GPHN: variants seen among roughly 807,000 people sequenced by gnomAD.
The protein encoded by GPHN is gephyrin.
Under a neutral mutation model 95.5 loss-of-function variants are expected in GPHN, and 17 were observed. The observed-to-expected ratio is 0.18, with a 90% CI of 0.12 to 0.27. The LOEUF is 0.27. GPHN is among the 10% of genes least tolerant of loss of function. The probability of loss-of-function intolerance (pLI) is 1.00; values close to 1 mark genes in which losing one functional copy is unlikely to be tolerated. For missense variants in GPHN, 660 were observed against 978.1 expected (o/e 0.67, Z 4.34); for synonymous variants, 320 against 322.5 (o/e 0.99, Z 0.08).
At chr14:66,760,814 G>C in intron 2 of GPHN, 1 of 529,264 alleles carries the variant, frequency 1.9e-6, no homozygotes, top group Non-Finnish European at 3.7e-6. Flanking sequence ...GCAATGAAGA[G>C]AGTTGAAGAG....
intron 21 of GPHN, among the ~76,000 whole-genome samples, chr14:67,171,602 G>A (rs2082602311): frequency 6.6e-6 from 1 of 152,072 alleles, no homozygotes; most frequent in Non-Finnish European, 1.5e-5. Flanking sequence ...AGACAGAAAA[G>A]GGGGAAAGCA....
intron 2 of GPHN, among the ~76,000 whole-genome samples, chr14:66,754,257 C>G (rs1201518550): frequency 6.6e-6 from 1 of 151,984 alleles, no homozygotes; most frequent in Non-Finnish European, 1.5e-5. Context: ...TATGGTGACT[C>G]TGTCTTCAGC....
intron 11 of GPHN, among the ~76,000 whole-genome samples, chr14:67,062,854 C>G (rs2075880280): frequency 6.6e-6 from 1 of 152,116 alleles, no homozygotes; most frequent in African/African-American, 2.4e-5. Flanking sequence ...CAAAAATTTT[C>G]TCCCATTCTG....
intron 4 of GPHN, among the ~76,000 whole-genome samples, chr14:66,843,375 T>C (rs1417744199): frequency 6.6e-6 from 1 of 152,186 alleles, no homozygotes; most frequent in Non-Finnish European, 1.5e-5. Context: ...CCTGTAACAC[T>C]GTAAGTAGGT....
intron 3 of GPHN, among the ~76,000 whole-genome samples, chr14:66,797,753 G>A (rs1157151689): frequency 2.0e-5 from 3 of 151,886 alleles, no homozygotes; most frequent in South Asian, 2.1e-4. Flanking sequence ...CACATATAAT[G>A]TCATATCATC....
chr14:67,087,797 A>G (rs2076969876), intron 11 of GPHN, among the ~76,000 whole-genome samples: 1 of 152,240 alleles, frequency 6.6e-6, no homozygotes, highest in Non-Finnish European at 1.5e-5. Context: ...ATGAAATTTT[A>G]TAAATTATAC....
the GPHN span, among the ~76,000 whole-genome samples, chr14:67,305,107 T>G: frequency 6.6e-6 from 1 of 152,190 alleles, no homozygotes; most frequent in Admixed American, 6.5e-5. Context: ...TCTCTGTGCA[T>G]TGTGCTGTTC....
the GPHN span, among the ~76,000 whole-genome samples, chr14:67,342,523 A>G: frequency 3.3e-5 from 5 of 149,702 alleles, no homozygotes; most frequent in Non-Finnish European, 7.4e-5. Context: ...AGCTTCTAGA[A>G]TGTGAACTCT....
the GPHN span, chr14:67,204,911 A>C: frequency 1.2e-6 from 2 of 1,611,288 alleles, no homozygotes. Context: ...GACATCACAG[A>C]TGTCACAGAT....
intron 1 of GPHN, among the ~76,000 whole-genome samples, chr14:66,593,316 C>A (rs1447175802): frequency 4.8e-4 from 71 of 146,576 alleles, no homozygotes; most frequent in Admixed American, 1.2e-3. Context: ...AAAAAAAAAA[C>A]AAACAACTGT....
At chr14:66,726,544 G>C (rs983497599) in intron 2 of GPHN, among the ~76,000 whole-genome samples, 4 of 152,092 alleles carry the variant, frequency 2.6e-5, no homozygotes, top group African/African-American at 9.7e-5. Context: ...ACTATTAATA[G>C]CTGGAAAATG....
chr14:67,030,245 CTTAAT>C (rs575240047), intron 10 of GPHN, among the ~76,000 whole-genome samples: 24 of 152,120 alleles, frequency 1.6e-4, no homozygotes, highest in African/African-American at 2.2e-4. Flanking sequence ...AATTTATCAT[CTTAAT>C]TTACTCTTCT....
the GPHN span, among the ~76,000 whole-genome samples, chr14:67,528,599 C>G: frequency 6.6e-6 from 1 of 152,202 alleles, no homozygotes; most frequent in Non-Finnish European, 1.5e-5. Context: ...CTGGATTTAC[C>G]TGATCCTCAT....
chr14:66,629,178 TAC>T (rs1279177516), intron 1 of GPHN, among the ~76,000 whole-genome samples: 17 of 136,198 alleles, frequency 1.2e-4, no homozygotes, highest in African/African-American at 3.8e-4. Flanking sequence ...AATATATATA[TAC>T]ATATATAAAT....
intron 2 of GPHN, among the ~76,000 whole-genome samples, chr14:66,775,748 A>G (rs1410457909): frequency 6.6e-6 from 1 of 152,230 alleles, no homozygotes; most frequent in Non-Finnish European, 1.5e-5. Flanking sequence ...ATGATCTTAT[A>G]TAAAGCTTAG....
the GPHN span, chr14:67,224,010 C>A: frequency 1.0e-6 from 1 of 980,788 alleles, no homozygotes; most frequent in Non-Finnish European, 1.2e-6. Context: ...AGTAGTAAAA[C>A]AAATTCCTGG....
At chr14:66,888,253 T>A (rs1391563599) in intron 5 of GPHN, among the ~76,000 whole-genome samples, 1 of 152,012 alleles carries the variant, frequency 6.6e-6, no homozygotes, top group Admixed American at 6.6e-5. Context: ...CAACTATACC[T>A]AGACATACCA....
At chr14:66,544,702 G>A (rs530300816) in intron 1 of GPHN, among the ~76,000 whole-genome samples, 62 of 152,118 alleles carry the variant, frequency 4.1e-4, no homozygotes, top group Admixed American at 4.1e-3. Context: ...AGTGAACAAA[G>A]GTCTCTGGTT....
At chr14:67,291,174 ATGTGCG>A in the GPHN span, among the ~76,000 whole-genome samples, 308 of 152,216 alleles carry the variant, frequency 2.0e-3, no homozygotes, top group African/African-American at 7.0e-3. Flanking sequence ...GACAGAGTAT[ATGTGCG>A]TGTGCATGTA....
Sources: gnomAD v4.1 joint callset for allele counts (sites outside exome capture counted in the v4.1 genomes callset) on GRCh38, gnomAD v4.1.1 for gene constraint, MANE v1.5 for transcripts, NCBI Gene and HGNC (gene_info 2026-07-23, HGNC 2026-07-21) for gene names.